The following PDLIM1 variants were observed in gnomAD, a reference collection of about 807,000 sequenced individuals.
The protein encoded by PDLIM1 is PDZ and LIM domain 1.
PDLIM1 carries 25 observed loss-of-function variants against 35.2 expected under a neutral mutation model. The ratio of observed to expected loss-of-function variants is 0.71; its 90% CI spans 0.52 to 0.99. The LOEUF is 0.99. PDLIM1 is among the 50% of genes least tolerant of loss of function. PDLIM1 has a pLI of 0.00. For missense variants in PDLIM1, 363 were observed against 415.3 expected (o/e 0.87, Z 1.09); for synonymous variants, 152 against 154.0 (o/e 0.99, Z 0.10).
chr10:95,242,809 A>C (rs535651232), intron 5 of PDLIM1, among the ~76,000 whole-genome samples: 30 of 152,290 alleles, frequency 2.0e-4, no homozygotes, highest in African/African-American at 6.7e-4. Flanking sequence ...CAAGCATCCC[A>C]AACGGATTCC....
At chr10:95,242,128 A>C (rs528668125) in intron 5 of PDLIM1, among the ~76,000 whole-genome samples, 92 of 152,196 alleles carry the variant, frequency 6.0e-4, no homozygotes, top group African/African-American at 2.2e-3. Flanking sequence ...CCATGGTTTT[A>C]AGTGGTGAGC....
At chr10:95,264,193 G>A (rs1018857808) in intron 3 of PDLIM1, 130 bp from the exon 4 acceptor site, 2 of 682,624 alleles carry the variant, frequency 2.9e-6, no homozygotes, top group Non-Finnish European at 5.1e-6. Flanking sequence ...CCAAACTTTA[G>A]CTGAGGGACA....
chr10:95,279,553 G>C (rs947918843), intron 1 of PDLIM1, among the ~76,000 whole-genome samples: 1 of 152,154 alleles, frequency 6.6e-6, no homozygotes, highest in Admixed American at 6.5e-5. Flanking sequence ...GTTTTTAGGG[G>C]AAATCATTTT....
rs563643221 is a variant in PDLIM1 at position 95,247,340 on chromosome 10, C to T, written c.560G>A (p.Ser187Asn). Residue 187 changes from serine (S) to asparagine (N), a missense_variant, in exon 5 of 7, where the codon AGC becomes AAC. Transcript: ENST00000329399. ...TTCAGATTCTTTGTCGATGACAAGG[C>T]TGCTTGGAGGCTGAGCATGGTCTAA... The part of the protein sequence containing the change: ...RPLDHAQPPS[S>N]LVIDKESEVY... 6.2e-6 allele frequency: 10 copies of T among 1,613,954 alleles called. No homozygotes were observed. In the Admixed American group the frequency reaches 6.7e-5, roughly 11 times the overall value.
chr10:95,238,524 C>G, intron 6 of PDLIM1, 44 bp downstream of exon 6: 1 of 1,219,826 alleles, frequency 8.2e-7, no homozygotes, highest in African/African-American at 1.5e-5. Context: ...CATGGTTTAC[C>G]CAACCTGCAG....
At chr10:95,245,025 C>T (rs2035207905) in intron 5 of PDLIM1, among the ~76,000 whole-genome samples, 1 of 152,214 alleles carries the variant, frequency 6.6e-6, no homozygotes, top group South Asian at 2.1e-4. Context: ...TGCGGGTACA[C>T]AGTAAGAGAT....
chr10:95,265,051 T>C (rs1198960750), intron 3 of PDLIM1, among the ~76,000 whole-genome samples: 9 of 152,156 alleles, frequency 5.9e-5, no homozygotes, highest in Non-Finnish European at 1.2e-4. Context: ...TCAAAATGTG[T>C]CTTAGTGTCT....
intron 1 of PDLIM1, among the ~76,000 whole-genome samples, chr10:95,287,056 G>A (rs2035608915): frequency 6.6e-6 from 1 of 152,184 alleles, no homozygotes; most frequent in African/African-American, 2.4e-5. Context: ...TTTAGGGAGG[G>A]GAGACTATCT....
intron 5 of PDLIM1, among the ~76,000 whole-genome samples, chr10:95,239,169 C>G (rs1490894271): frequency 6.6e-6 from 1 of 152,128 alleles, no homozygotes; most frequent in Non-Finnish European, 1.5e-5. Context: ...AAACTGGATC[C>G]CTTCTTTACA....
chr10:95,288,046 T>G (rs2035617185), intron 1 of PDLIM1, among the ~76,000 whole-genome samples: 1 of 152,184 alleles, frequency 6.6e-6, no homozygotes, highest in African/African-American at 2.4e-5. Flanking sequence ...TAGGTCAGGA[T>G]AGCGTTACAT....
intron 5 of PDLIM1, among the ~76,000 whole-genome samples, chr10:95,240,860 C>G (rs45539537): frequency 1.9e-3 from 287 of 152,282 alleles, no homozygotes; most frequent in African/African-American, 6.8e-3. Flanking sequence ...CCACTCATCA[C>G]ATCTTAGGTA....
intron 5 of PDLIM1, among the ~76,000 whole-genome samples, chr10:95,243,800 T>C (rs1228412792): frequency 6.6e-6 from 1 of 152,090 alleles, no homozygotes; most frequent in African/African-American, 2.4e-5. Flanking sequence ...TTCTGACACA[T>C]GCTACATGGA....
In PDLIM1 at chr10:95,290,520, C is replaced by CA. The variant is rs2035643778; in HGVS notation, c.96+299dup. The stretch of plus-strand genomic sequence containing the variant: ...GGACCCTCGTCCCCTCGCTGGTTGA[C>CA]AAAGAACTAACACCCGCCCCGCCGC... On this transcript the variant is annotated intron_variant, in intron 1 of 6. Transcript: ENST00000329399. The surrounding 1 kb of genome is among the most constrained non-coding windows in gnomAD (Gnocchi z 4.7). 6.6e-6 allele frequency among the ~76,000 whole-genome samples: 1 copy of CA among 152,178 alleles called. No homozygotes were observed. The highest frequency in any genetic ancestry group is 2.1e-4 in the South Asian group (1 of 4,834).
At chr10:95,238,141 A>G (rs780767932) in intron 6 of PDLIM1, 30 bp from the exon 7 acceptor site, 2 of 1,602,998 alleles carry the variant, frequency 1.2e-6, no homozygotes, top group Admixed American at 3.4e-5. Flanking sequence ...AAGGGACTCC[A>G]TCAGTGACAA....
At chr10:95,251,054 G>C (rs1326317859) in intron 4 of PDLIM1, among the ~76,000 whole-genome samples, 3 of 152,128 alleles carry the variant, frequency 2.0e-5, no homozygotes, top group Non-Finnish European at 2.9e-5. Context: ...TGAGCCTGCA[G>C]ACCTTATGTG....
chr10:95,238,373 T>G (rs1186446484), intron 6 of PDLIM1, among the ~76,000 whole-genome samples, 195 bp downstream of exon 6: 3 of 152,198 alleles, frequency 2.0e-5, no homozygotes, highest in Non-Finnish European at 4.4e-5. Context: ...GTTCATAACC[T>G]AAGGGCTCCG....
At chr10:95,255,116 A>G (rs1050281039) in intron 4 of PDLIM1, among the ~76,000 whole-genome samples, 3 of 152,092 alleles carry the variant, frequency 2.0e-5, no homozygotes, top group African/African-American at 7.2e-5. Flanking sequence ...AAACAGACCT[A>G]TAACTAGTAA....
At position 95,268,836 on chromosome 10, in the gene PDLIM1, A is replaced by G; in HGVS notation, c.275T>C (p.Leu92Pro). 9 of 1,611,850 alleles carry G rather than the reference A, an allele frequency of 5.6e-6. No individual in the cohort carries two copies. The highest frequency in any genetic ancestry group is 7.6e-6 in the Non-Finnish European group (9 of 1,177,850). The change falls in exon 3 of 7, where the codon CTG becomes CCG. Residue 92 changes from leucine (L) to proline (P), a missense_variant. By Grantham distance (98) the Leu-to-Pro change is moderately conservative. Coordinates refer to ENST00000329399, the MANE Select transcript of PDLIM1 (RefSeq NM_020992.4). ...ATGACGCTTCCCTTCCTCCGTCACC[A>G]GAGGAGACCAGACTTTATGTTCAGA... The part of the protein sequence containing the change: ...ARSEHKVWSP[L>P]VTEEGKRHPY...
chr10:95,286,720 G>A (rs1264108520), intron 1 of PDLIM1, among the ~76,000 whole-genome samples: 1 of 152,236 alleles, frequency 6.6e-6, no homozygotes, highest in Non-Finnish European at 1.5e-5. Context: ...TAGTAAGTCA[G>A]CCAGTGAGAA....
Sources: gnomAD v4.1 joint callset for allele counts (sites outside exome capture counted in the v4.1 genomes callset) on GRCh38, gnomAD v4.1.1 for gene constraint, Gnocchi (gnomAD v3.1) non-coding constraint, MANE v1.5 for transcripts, NCBI Gene and HGNC (gene_info 2026-07-23, HGNC 2026-07-21) for gene names.